The following ATP2A3 variants were observed in gnomAD, a reference collection of about 807,000 sequenced individuals.
ATP2A3 encodes the protein ATPase sarcoplasmic/endoplasmic reticulum Ca2+ transporting 3.
In ATP2A3, 61 loss-of-function variants were observed where a neutral mutation model predicts 106.8. That is an observed-to-expected ratio of 0.57 (90% CI 0.46 to 0.71). ATP2A3 has a LOEUF of 0.71. ATP2A3 is among the 30% of genes least tolerant of loss of function. The probability of loss-of-function intolerance (pLI) is 0.00; values close to 1 mark genes in which losing one functional copy is unlikely to be tolerated. For synonymous variants in ATP2A3, 611 were observed against 609.3 expected (o/e 1.00, Z -0.04); for missense variants, 1,201 against 1,423.5 (o/e 0.84, Z 2.52).
At chr17:3,958,779 C>G (rs1024592177) in intron 1 of ATP2A3, among the ~76,000 whole-genome samples, 1 of 137,222 alleles carries the variant, frequency 7.3e-6, no homozygotes, top group Admixed American at 7.5e-5. Context: ...TATATACACA[C>G]ACATATATAT....
chr17:3,933,489 G>C (rs965550810), intron 17 of ATP2A3, among the ~76,000 whole-genome samples: 2 of 151,244 alleles, frequency 1.3e-5, no homozygotes, highest in African/African-American at 4.9e-5. Context: ...TGTGATCCCA[G>C]CACTTTGGGA....
At chr17:3,963,150 G>T (rs1201147858) in intron 1 of ATP2A3, among the ~76,000 whole-genome samples, 1 of 152,350 alleles carries the variant, frequency 6.6e-6, no homozygotes, top group East Asian at 1.9e-4. Context: ...TTTCAAGCTA[G>T]CCCTGAGTAG....
Position 3,930,348 on chromosome 17 carries a change from C to T in ATP2A3, c.2697G>A (p.Met899Ile). Reference protein sequence around the residue: ...EVFESRFPTTMALSVLVTIEM... With the variant: ...EVFESRFPTTIALSVLVTIEM... ...CAATGGTCACGAGCACGGACAAGGCCATGGTGGTGGGGAAGCGTGACTCGA... is the reference window on the plus strand; with the variant it reads ...CAATGGTCACGAGCACGGACAAGGCTATGGTGGTGGGGAAGCGTGACTCGA... Residue 899 changes from methionine (M) to isoleucine (I), a missense_variant, in exon 18 of 21, where the codon ATG (methionine) becomes ATA (isoleucine). This residue lies in a region of ATP2A3 where 935 missense variants were observed against 1,176.7 expected (regional missense o/e 0.79). Transcript: ENST00000397041. This position sits in a 1 kb window ranked among gnomAD's most constrained non-coding sequence, Gnocchi z 5.4. The T allele has an allele frequency of 6.2e-7, 1 of 1,613,040 alleles. No homozygotes were observed. The highest frequency in any genetic ancestry group is 2.2e-5 in the East Asian group (1 of 44,856).
intron 1 of ATP2A3, among the ~76,000 whole-genome samples, chr17:3,958,885 C>CATAT (rs201734962): frequency 2.2e-4 from 24 of 107,834 alleles, no homozygotes; most frequent in South Asian, 7.9e-4. Flanking sequence ...CACACACACA[C>CATAT]ACATATATAT....
Position 3,929,658 on chromosome 17 carries a change from T to A in ATP2A3, c.2745-213A>T, listed in dbSNP as rs530911194. ...TGGACCCCAGTTTCAGCCTTCTTTG[T>A]CTCCTGGGCCCCAATTCCGGTCCCC... On this transcript the variant is annotated intron_variant, in intron 18 of 20. Transcript: ENST00000397041. The surrounding 1 kb of genome is among the most constrained non-coding windows in gnomAD (Gnocchi z 4.3). Among the ~76,000 whole-genome samples, 19 of 152,230 alleles carry A rather than the reference T, an allele frequency of 1.2e-4. No individual in the cohort carries two copies. The highest frequency in any genetic ancestry group is 2.1e-4 in the Non-Finnish European group (14 of 67,998).
Position 3,964,284 on chromosome 17 carries a change from G to T in ATP2A3, c.8C>A (p.Ala3Glu). ...GTCGGCGGCCGGGAGCAGATGCGCC[G>T]CCTCCATGCCGCCCGCCCGGCCGTC... is the stretch of plus-strand genomic sequence containing the variant. The part of the protein sequence containing the change: ME[A>E]AHLLPAADVL... Residue 3 changes from alanine to glutamate, a missense_variant, in exon 1 of 21, where the codon GCG becomes GAG. Physicochemically the swap from Ala to Glu is moderately radical, Grantham distance 107. Coordinates refer to ENST00000397041, the MANE Select transcript of ATP2A3 (RefSeq NM_005173.4). 1 of 1,263,796 alleles carries T rather than the reference G, an allele frequency of 7.9e-7. No individual in the cohort carries two copies. Among genetic ancestry groups the T allele is most frequent in the Non-Finnish European group, 1.0e-6 (1 of 991,198 alleles). The allele number at this position is 1,263,796 out of a possible 1,614,324, so 78.3% of individuals were successfully genotyped here.
In ATP2A3 at chr17:3,926,864, C is replaced by G. The variant is rs1047645961; in HGVS notation, c.2981-1423G>C. 22 of 985,282 alleles carry G rather than the reference C, an allele frequency of 2.2e-5. No individual in the cohort carries two copies. In the South Asian group the frequency reaches 7.5e-4, roughly 34 times the overall value. The allele number at this position is 985,282 out of a possible 1,614,324, so 61.0% of individuals were successfully genotyped here. On this transcript the variant is annotated intron_variant, in intron 20 of 20. Transcript: ENST00000397041. The surrounding 1 kb of genome is among the most constrained non-coding windows in gnomAD (Gnocchi z 4.6). The stretch of plus-strand genomic sequence containing the variant: ...GATGACAGGTGTGAGCCACTGCACC[C>G]GGCCCGTTAGTCTCACCCCCTCTTG...
At chr17:3,954,746 C>T (rs1246139284) in intron 1 of ATP2A3, among the ~76,000 whole-genome samples, 3 of 152,042 alleles carry the variant, frequency 2.0e-5, no homozygotes, top group South Asian at 2.1e-4. Context: ...CTGCCCGCCT[C>T]GGCCTCCCAA....
chr17:3,928,389 G>A lies in ATP2A3; in HGVS notation c.2980+274C>T. 2.7e-6 allele frequency: 4 copies of A among 1,496,930 alleles called. No individual in the cohort carries two copies. Among genetic ancestry groups the A allele is most frequent in the Non-Finnish European group, 3.7e-6 (4 of 1,084,842 alleles). The allele number at this position is 1,496,930 out of a possible 1,614,324, so 92.7% of individuals were successfully genotyped here. Reference sequence around the variant, plus strand: ...AGCACACAGTGCCCTGGCCATGTAGGGGGTGGCAGGTGAAGACAGTGAGGC... The same window carrying A: ...AGCACACAGTGCCCTGGCCATGTAGAGGGTGGCAGGTGAAGACAGTGAGGC... On this transcript the variant is annotated intron_variant, in intron 20 of 20. Transcript: ENST00000397041. The surrounding 1 kb of genome is among the most constrained non-coding windows in gnomAD (Gnocchi z 6.1).
chr17:3,958,248 A>G (rs1395740631), intron 1 of ATP2A3, among the ~76,000 whole-genome samples: 1 of 152,220 alleles, frequency 6.6e-6, no homozygotes, highest in Non-Finnish European at 1.5e-5. Flanking sequence ...CGGCATGCAT[A>G]AAGCACTTGG....
Position 3,953,949 on chromosome 17 carries a change from C to G in ATP2A3, c.119-239G>C, listed in dbSNP as rs111835756. 6.6e-6 allele frequency among the ~76,000 whole-genome samples: 1 copy of G among 152,090 alleles called. No individual in the cohort carries two copies. Among genetic ancestry groups the G allele is most frequent in the Admixed American group, 6.5e-5 (1 of 15,276 alleles). On this transcript the variant is annotated intron_variant, in intron 1 of 20. Coordinates refer to ENST00000397041, the MANE Select transcript of ATP2A3 (RefSeq NM_005173.4). This position sits in a 1 kb window ranked among gnomAD's most constrained non-coding sequence, Gnocchi z 5.1. ...GAAGATCTAGGGTGACTTGGCTCAT[C>G]GTGGGATGAGTACGGAGCCAAGAGG...
intron 17 of ATP2A3, among the ~76,000 whole-genome samples, chr17:3,933,478 C>T (rs1322970231): frequency 6.6e-6 from 1 of 151,260 alleles, no homozygotes; most frequent in African/African-American, 2.5e-5. Flanking sequence ...TGGCTCACGC[C>T]TGTGATCCCA....
rs769227778 is a variant in ATP2A3, at chr17:3,929,293, G to A, written c.2862+35C>T. On this transcript the variant is annotated intron_variant, in intron 19 of 20. Transcript: ENST00000397041. This position sits in a 1 kb window ranked among gnomAD's most constrained non-coding sequence, Gnocchi z 4.3. The stretch of plus-strand genomic sequence containing the variant: ...ACCAGCCCAGGGCCTGTGATGTCCA[G>A]GGACCAGGGCAGTGGGGCAGGCGGG... 12 of 1,517,056 alleles carry A rather than the reference G, an allele frequency of 7.9e-6. No homozygotes were observed. Among genetic ancestry groups the A allele is most frequent in the Middle Eastern group, 2.1e-4 (1 of 4,786 alleles). The allele number at this position is 1,517,056 out of a possible 1,614,324, so 94.0% of individuals were successfully genotyped here. A position where few individuals can be genotyped will look rare whatever the true frequency, so the allele number is the denominator to read the frequency against.
intron 17 of ATP2A3, among the ~76,000 whole-genome samples, chr17:3,933,723 G>A (rs1294816893): frequency 6.6e-6 from 1 of 151,132 alleles, no homozygotes; most frequent in Non-Finnish European, 1.5e-5. Context: ...GTGACAGAGC[G>A]AGACTCCATC....
chr17:3,924,430 G>A lies in ATP2A3; in HGVS notation c.*992C>T, dbSNP rs2052600344. On this transcript the variant is annotated 3_prime_UTR_variant, in exon 21 of 21. Coordinates refer to ENST00000397041, the MANE Select transcript of ATP2A3 (RefSeq NM_005173.4). This position sits in a 1 kb window ranked among gnomAD's most constrained non-coding sequence, Gnocchi z 6.4. ...TCCTTTCGGCTCATGGGTGTCGTGG[G>A]GAGGGGGCAAGGAGTGAGGCCAAGA... 1 of 215,460 alleles carries A rather than the reference G, an allele frequency of 4.6e-6. No homozygotes were observed. Among genetic ancestry groups the A allele is most frequent in the Non-Finnish European group, 9.6e-6 (1 of 104,166 alleles). The allele number at this position is 215,460 out of a possible 1,614,324, so 13.3% of individuals were successfully genotyped here.
rs568765034 is a variant in ATP2A3, at chr17:3,926,682, G to C, written c.2981-1241C>G. ...CCTCCCAGGTTCAAGTGATTCTCCT[G>C]CCTCAGCCTCCCGAGTAGCTGGGAT... On this transcript the variant is annotated intron_variant, in intron 20 of 20. Coordinates refer to ENST00000397041, the MANE Select transcript of ATP2A3 (RefSeq NM_005173.4). The surrounding 1 kb of genome is among the most constrained non-coding windows in gnomAD (Gnocchi z 4.6). 1 of 192,266 alleles carries C rather than the reference G, an allele frequency of 5.2e-6. No individual in the cohort carries two copies. The highest frequency in any genetic ancestry group is 2.4e-5 in the African/African-American group (1 of 42,160). 11.9% of individuals were successfully genotyped at this position (192,266 alleles called of 1,614,324 possible).
intron 1 of ATP2A3, among the ~76,000 whole-genome samples, chr17:3,958,255 T>C (rs2054894908): frequency 6.6e-6 from 1 of 152,212 alleles, no homozygotes; most frequent in Non-Finnish European, 1.5e-5. Flanking sequence ...CATAAAGCAC[T>C]TGGAATGCGT....
chr17:3,948,451 G>C (rs1363994947), intron 7 of ATP2A3, among the ~76,000 whole-genome samples: 1 of 152,128 alleles, frequency 6.6e-6, no homozygotes, highest in East Asian at 1.9e-4. Flanking sequence ...TATGCTGTTG[G>C]GGCTGGCGAG....
intron 12 of ATP2A3, 125 bp downstream of exon 12, chr17:3,942,481 G>A (rs1179613264): frequency 9.3e-6 from 13 of 1,394,338 alleles, no homozygotes; most frequent in African/African-American, 2.9e-5. Context: ...GAGGCAAAAG[G>A]GGCTCCTGAG....
Sources: gnomAD v4.1 joint callset for allele counts (sites outside exome capture counted in the v4.1 genomes callset) on GRCh38, gnomAD v4.1.1 for gene constraint, gnomAD v4.1.1 regional missense constraint, Gnocchi (gnomAD v3.1) non-coding constraint, MANE v1.5 for transcripts, NCBI Gene and HGNC (gene_info 2026-07-23, HGNC 2026-07-21) for gene names.